The following IGF2R variants were observed in gnomAD, a reference collection of about 807,000 sequenced individuals.
IGF2R encodes the protein cation-independent mannose-6-phosphate receptor.
In IGF2R, 91 loss-of-function variants were observed where a neutral mutation model predicts 270.6. That is an observed-to-expected ratio of 0.34 (90% CI 0.28 to 0.40). The LOEUF is 0.40. IGF2R is among the 10% of genes least tolerant of loss of function. The probability of loss-of-function intolerance (pLI) is 1.00; values close to 1 mark genes in which losing one functional copy is unlikely to be tolerated. For missense variants in IGF2R, 2,805 were observed against 3,188.3 expected, an observed-to-expected ratio of 0.88 and a Z score of 2.90; for synonymous variants, 1,316 against 1,258.9, an observed-to-expected ratio of 1.05 and a Z score of -0.96.
In IGF2R at chr6:160,033,011, A is replaced by G; in HGVS notation, c.1115A>G (p.Gln372Arg). Reference sequence around the variant, plus strand: ...AATGTCTGTGGAGAAACTGAAATACAGTTCTGTAATAAAAAACAAGCTGCA... The same window carrying G: ...AATGTCTGTGGAGAAACTGAAATACGGTTCTGTAATAAAAAACAAGCTGCA... ...YLNVCGETEI[Q>R]FCNKKQAAVC... Residue 372 changes from glutamine (Q) to arginine (R), a missense_variant, in exon 9 of 48, where the codon CAG becomes CGG. Transcript: ENST00000356956. 1 of 1,606,480 alleles carries G rather than the reference A, an allele frequency of 6.2e-7. No individual in the cohort carries two copies. The highest frequency in any genetic ancestry group is 8.5e-7 in the Non-Finnish European group (1 of 1,172,988).
chr6:160,062,805 A>G (rs1468304278), intron 26 of IGF2R, among the ~76,000 whole-genome samples, 186 bp downstream of exon 26: 1 of 151,548 alleles, frequency 6.6e-6, no homozygotes, highest in East Asian at 2.0e-4. Flanking sequence ...TAATTTCACG[A>G]GTGACATTTT....
At chr6:160,024,463 A>G (rs1240266609) in intron 4 of IGF2R, 109 bp from the exon 5 acceptor site, 1 of 1,069,056 alleles carries the variant, frequency 9.4e-7, no homozygotes, top group East Asian at 2.4e-5. Context: ...ACACCATAGC[A>G]TGATAGTCCC....
At position 160,058,969 on chromosome 6, in the gene IGF2R, G is replaced by C; in HGVS notation, c.2962G>C (p.Glu988Gln). ...TILGKPASGC[E>Q]AETQTEELKN... is the part of the protein sequence containing the mutation. The stretch of plus-strand genomic sequence containing the variant: ...CCTGGGAAAACCTGCTTCTGGCTGT[G>C]AGGCAGAAACCCAAACTGAAGAGCT... Residue 988 changes from glutamate to glutamine, a missense_variant, in exon 22 of 48, where the codon GAG (glutamate) becomes CAG (glutamine). Physicochemically the swap from Glu to Gln is conservative, Grantham distance 29 (BLOSUM62 2). This residue lies in a region of IGF2R where 1,851 missense variants were observed against 2,207.2 expected (regional missense o/e 0.84). Coordinates refer to ENST00000356956, the MANE Select transcript of IGF2R (RefSeq NM_000876.4). 6.2e-7 allele frequency: 1 copy of C among 1,614,222 alleles called. No individual in the cohort carries two copies.
At chr6:160,065,814 G>GTGTGTATGTATATA in intron 29 of IGF2R, among the ~76,000 whole-genome samples, 3 of 78,392 alleles carry the variant, frequency 3.8e-5, no homozygotes, top group Admixed American at 1.6e-4. Flanking sequence ...GTGTGTGTGT[G>GTGTGTATGTATATA]TATATATATA....
intron 44 of IGF2R, chr6:160,094,518 G>GGC (rs1779304592): frequency 6.5e-6 from 1 of 154,538 alleles, no homozygotes; most frequent in African/African-American, 2.4e-5. Flanking sequence ...TGTTCTACTT[G>GGC]GCACCCCAAG....
chr6:159,969,676 G>T (rs1783578450), intron 1 of IGF2R, among the ~76,000 whole-genome samples: 1 of 152,170 alleles, frequency 6.6e-6, no homozygotes, highest in Non-Finnish European at 1.5e-5. Flanking sequence ...GTGGCTTTGT[G>T]CGGAGCGGTC....
chr6:160,109,942 G>C lies in IGF2R; in HGVS notation c.*4858G>C, dbSNP rs1388294028. On this transcript the variant is annotated 3_prime_UTR_variant, in exon 48 of 48. Transcript: ENST00000356956. ...CATATAGAAACATTTTTCGCAGTGT[G>C]CCCCGTGGAACACTTGTTCTGTATG... The C allele has an allele frequency of 6.6e-6, 1 of 152,194 alleles. No homozygotes were observed. The highest frequency in any genetic ancestry group is 1.5e-5 in the Non-Finnish European group (1 of 68,046). The allele number at this position is 152,194 out of a possible 1,614,324, so 9.4% of individuals were successfully genotyped here. A position where few individuals can be genotyped will look rare whatever the true frequency, so the allele number is the denominator to read the frequency against.
chr6:160,069,808 A>C, intron 30 of IGF2R, 60 bp from the exon 31 acceptor site: 2 of 1,492,894 alleles, frequency 1.3e-6, no homozygotes, highest in Non-Finnish European at 1.8e-6. Flanking sequence ...TGCCTGATGA[A>C]GTTCTGTTCT....
chr6:160,003,061 C>A (rs958991422), intron 2 of IGF2R, among the ~76,000 whole-genome samples: 1 of 152,136 alleles, frequency 6.6e-6, no homozygotes, highest in Non-Finnish European at 1.5e-5. Context: ...TTGTTGGTGA[C>A]CTGGTAGGAC....
chr6:160,065,814 G>GTGTGTGTGTGTGTGTATATATATA, intron 29 of IGF2R, among the ~76,000 whole-genome samples: 1 of 78,388 alleles, frequency 1.3e-5, no homozygotes, highest in Non-Finnish European at 2.3e-5. Context: ...GTGTGTGTGT[G>GTGTGTGTGTGTGTGTATATATATA]TATATATATA....
At chr6:160,056,639 A>G (rs1363552853) in intron 20 of IGF2R, 114 bp downstream of exon 20, 7 of 738,758 alleles carry the variant, frequency 9.5e-6, no homozygotes, top group Non-Finnish European at 1.2e-5. Flanking sequence ...ATCAGTTACT[A>G]TGTTGCATTG....
Position 160,068,288 on chromosome 6 carries a change from A to C in IGF2R, c.4155A>C (p.Ser1385=). Residue 1385 remains serine, a synonymous_variant, in exon 30 of 48, where the codon TCA becomes TCC. Coordinates refer to ENST00000356956, the MANE Select transcript of IGF2R (RefSeq NM_000876.4). ...AGNSFDLSSL[S]RYSDNWEAIT... ...ACTCCTTCGACCTCTCGTCCCTGTC[A>C]AGGTACAGTGACAACTGGGAAGCCA... 1 of 1,614,222 alleles carries C rather than the reference A, an allele frequency of 6.2e-7. No individual in the cohort carries two copies. The highest frequency in any genetic ancestry group is 8.5e-7 in the Non-Finnish European group (1 of 1,180,016).
intron 20 of IGF2R, 104 bp downstream of exon 20, chr6:160,056,629 A>G: frequency 1.3e-6 from 1 of 773,416 alleles, no homozygotes; most frequent in Non-Finnish European, 2.3e-6. Context: ...TTCTTTCTGA[A>G]TCAGTTACTA....
chr6:160,025,636 AT>A (rs1202235427), intron 5 of IGF2R, among the ~76,000 whole-genome samples: 2 of 152,176 alleles, frequency 1.3e-5, no homozygotes, highest in Admixed American at 6.5e-5. Flanking sequence ...AATATACCCC[AT>A]TCAGGGCTCA....
rs1164984947 is a variant in IGF2R at position 160,061,933 on chromosome 6, G to A, written c.3582+5G>A. 1 of 1,613,828 alleles carries A rather than the reference G, an allele frequency of 6.2e-7. No homozygotes were observed. Among genetic ancestry groups the A allele is most frequent in the Non-Finnish European group, 8.5e-7 (1 of 1,179,794 alleles). On this transcript the variant is annotated splice_donor_5th_base_variant and intron_variant, in intron 25 of 47. Coordinates refer to ENST00000356956, the MANE Select transcript of IGF2R (RefSeq NM_000876.4). The stretch of plus-strand genomic sequence containing the variant: ...TTTGAGTGTGCTCAGATATCGGTGT[G>A]TGTTCAGACCAGCAATGAGATGTTG...
rs768743516 is a variant in IGF2R, at chr6:160,083,963, G to A, written c.5847G>A (p.Arg1949=). The A allele has an allele frequency of 2.5e-6, 4 of 1,613,454 alleles. No homozygotes were observed. In the East Asian group the frequency reaches 6.7e-5, roughly 27 times the overall value. The change falls in exon 40 of 48, where the codon CGG becomes CGA. Residue 1949 remains arginine (R), a synonymous_variant. Coordinates refer to ENST00000356956, the MANE Select transcript of IGF2R (RefSeq NM_000876.4). ...TACACTCCCCAGCAAACAGCTACCGGACATCCAGCATCATATTTAAGTGTG... is the reference window on the plus strand; with the variant it reads ...TACACTCCCCAGCAAACAGCTACCGAACATCCAGCATCATATTTAAGTGTG... ...WGFCRHSNSY[R]TSSIIFKCDE... is the part of the protein sequence containing the mutation.
At chr6:160,042,087 A>G (rs889776571) in intron 11 of IGF2R, among the ~76,000 whole-genome samples, 1 of 152,100 alleles carries the variant, frequency 6.6e-6, no homozygotes. Flanking sequence ...AGACTTCCTG[A>G]CATAGCTCTG....
chr6:160,019,017 A>T (rs1777370373), intron 4 of IGF2R, among the ~76,000 whole-genome samples: 1 of 152,184 alleles, frequency 6.6e-6, no homozygotes, highest in Non-Finnish European at 1.5e-5. Flanking sequence ...GATAAAAAAA[A>T]TGAGAAGTTG....
intron 11 of IGF2R, among the ~76,000 whole-genome samples, chr6:160,041,644 T>C (rs1777949050): frequency 6.6e-6 from 1 of 152,188 alleles, no homozygotes; most frequent in Admixed American, 6.5e-5. Flanking sequence ...GCTGCTCCTG[T>C]CTTCTGAGTC....
Sources: gnomAD v4.1 joint callset for allele counts (sites outside exome capture counted in the v4.1 genomes callset) on GRCh38, gnomAD v4.1.1 for gene constraint, gnomAD v4.1.1 regional missense constraint, MANE v1.5 for transcripts, NCBI Gene and HGNC (gene_info 2026-07-23, HGNC 2026-07-21) for gene names.